The following ABCC1 variants were observed in gnomAD, a reference collection of about 807,000 sequenced individuals.
ABCC1 encodes multidrug resistance-associated protein 1.
Under a neutral mutation model 172.9 loss-of-function variants are expected in ABCC1, and 83 were observed. That is an observed-to-expected ratio of 0.48 (90% confidence interval 0.40 to 0.58). ABCC1 has a LOEUF of 0.58. Ranked by LOEUF, ABCC1 falls within the 20% of genes least tolerant of loss-of-function variation. The probability of loss-of-function intolerance (pLI) is 0.00; values close to 1 mark genes in which losing one functional copy is unlikely to be tolerated. For synonymous variants in ABCC1, 937 were observed against 825.2 expected (o/e 1.14, Z -2.32); for missense variants, 1,817 against 2,002.7 (o/e 0.91, Z 1.77).
chr16:16,116,181 G>A (rs1242110614), intron 23 of ABCC1, among the ~76,000 whole-genome samples: 3 of 152,186 alleles, frequency 2.0e-5, no homozygotes, highest in Non-Finnish European at 4.4e-5. Context: ...TGGGATTACA[G>A]GCGTGAGCCA....
At chr16:16,088,361 C>T (rs2152011682) in intron 18 of ABCC1, among the ~76,000 whole-genome samples, 1 of 152,328 alleles carries the variant, frequency 6.6e-6, no homozygotes, top group South Asian at 2.1e-4. Flanking sequence ...CGGAGAATGT[C>T]TTGAACCCGG....
At chr16:15,999,789 C>T (rs1456951600) in intron 1 of ABCC1, among the ~76,000 whole-genome samples, 3 of 29,550 alleles carry the variant, frequency 1.0e-4, no homozygotes, top group African/African-American at 2.7e-4. Context: ...CTCTCTCTCT[C>T]TCTCTCTCTC....
At position 16,141,550 on chromosome 16, in the gene ABCC1, C is replaced by T; in HGVS notation, c.*269C>T. Reference sequence around the variant, plus strand: ...GTGCCCTGAGACAGACACACAGCCTCACGCCCCCAGGAATGCAAGTGGTTT... The same window carrying T: ...GTGCCCTGAGACAGACACACAGCCTTACGCCCCCAGGAATGCAAGTGGTTT... On this transcript the variant is annotated 3_prime_UTR_variant, in exon 31 of 31. Coordinates refer to ENST00000399410, the MANE Select transcript of ABCC1 (RefSeq NM_004996.4). The T allele has an allele frequency of 6.9e-6, 3 of 437,392 alleles. No individual in the cohort carries two copies. The highest frequency in any genetic ancestry group is 1.2e-5 in the Non-Finnish European group (3 of 244,196). The allele number at this position is 437,392 out of a possible 1,614,324, so 27.1% of individuals were successfully genotyped here.
At chr16:16,068,077 C>A in intron 12 of ABCC1, 79 bp from the exon 13 acceptor site, 1 of 1,577,488 alleles carries the variant, frequency 6.3e-7, no homozygotes, top group Admixed American at 1.7e-5. Flanking sequence ...CCAAGCGCGT[C>A]TCCAGGGCCT....
At chr16:15,970,524 A>G (rs948440446) in intron 1 of ABCC1, among the ~76,000 whole-genome samples, 3 of 152,240 alleles carry the variant, frequency 2.0e-5, no homozygotes, top group Admixed American at 6.5e-5. Flanking sequence ...AGCAGAAGGT[A>G]AGAATGTTCT....
intron 3 of ABCC1, among the ~76,000 whole-genome samples, chr16:16,013,611 A>G (rs2047881271): frequency 6.6e-6 from 1 of 151,764 alleles, no homozygotes; most frequent in South Asian, 2.1e-4. Flanking sequence ...AGACACAACC[A>G]TATAGTCTAG....
rs189587224 is a variant in ABCC1, at chr16:16,065,507, A to C, written c.1678-2649A>C. ...GGGTGCAGTGGTGCAATCTTGGCTC[A>C]CTGCAACCTCCACCTCCCGGGTTAA... On this transcript the variant is annotated intron_variant, in intron 12 of 30. Transcript: ENST00000399410. Among the ~76,000 whole-genome samples the C allele has an allele frequency of 3.9e-5, 6 of 152,238 alleles. No individual in the cohort carries two copies. The East Asian group carries it at 1.2e-3, about 29-fold the overall frequency.
intron 23 of ABCC1, among the ~76,000 whole-genome samples, chr16:16,120,817 G>T (rs1388142050): frequency 6.6e-6 from 1 of 152,078 alleles, no homozygotes; most frequent in Non-Finnish European, 1.5e-5. Flanking sequence ...GGGGGGTGAC[G>T]AGATTGACCC....
At chr16:16,112,956 C>T (rs1384038310) in intron 22 of ABCC1, among the ~76,000 whole-genome samples, 2 of 152,188 alleles carry the variant, frequency 1.3e-5, no homozygotes, top group African/African-American at 4.8e-5. Context: ...GCATTGGCTC[C>T]AGAGCCTGTT....
chr16:16,046,147 C>T (rs1597167434), intron 9 of ABCC1, 134 bp downstream of exon 9: 1 of 992,770 alleles, frequency 1.0e-6, no homozygotes, highest in East Asian at 2.6e-5. Flanking sequence ...CTTCCGTGAC[C>T]TTAGGTGGCA....
At chr16:16,085,566 G>A (rs1209605521) in intron 17 of ABCC1, among the ~76,000 whole-genome samples, 1 of 152,236 alleles carries the variant, frequency 6.6e-6, no homozygotes, top group African/African-American at 2.4e-5. Context: ...GATTGTCTGA[G>A]GTCAGGAGTT....
intron 1 of ABCC1, among the ~76,000 whole-genome samples, chr16:15,952,212 G>A (rs984884690): frequency 7.2e-5 from 11 of 152,208 alleles, no homozygotes; most frequent in Non-Finnish European, 1.3e-4. Context: ...CCTGCACGGA[G>A]ATAAACAATG....
intron 1 of ABCC1, among the ~76,000 whole-genome samples, chr16:15,968,638 A>C (rs571755799): frequency 6.6e-6 from 1 of 152,306 alleles, no homozygotes; most frequent in Non-Finnish European, 1.5e-5. Context: ...CAGCCTCCCA[A>C]AGTGCTGGGA....
intron 6 of ABCC1, among the ~76,000 whole-genome samples, chr16:16,034,735 C>T (rs1025902443): frequency 2.0e-5 from 3 of 151,724 alleles, no homozygotes; most frequent in Non-Finnish European, 4.4e-5. Context: ...TTACAGGGAC[C>T]TGCCACCACA....
chr16:16,079,042 T>C (rs2050700186), intron 15 of ABCC1, among the ~76,000 whole-genome samples: 1 of 152,108 alleles, frequency 6.6e-6, no homozygotes, highest in African/African-American at 2.4e-5. Context: ...CAGTAAAGTT[T>C]CTGCCTCTCC....
chr16:16,096,236 A>C (rs8058976), intron 19 of ABCC1, among the ~76,000 whole-genome samples: 41,854 of 147,574 alleles, frequency 0.28, 5,887 homozygotes, highest in Middle Eastern at 0.37. Flanking sequence ...CAAAAAAAAA[A>C]CAAAAAAACA....
intron 1 of ABCC1, among the ~76,000 whole-genome samples, chr16:15,992,601 A>G (rs763733312): frequency 2.2e-4 from 34 of 152,040 alleles, no homozygotes; most frequent in Non-Finnish European, 4.7e-4. Flanking sequence ...GGGTTTTACC[A>G]TGTTGGCCAG....
chr16:16,103,138 C>G (rs1262700562), intron 20 of ABCC1, among the ~76,000 whole-genome samples: 2 of 151,980 alleles, frequency 1.3e-5, no homozygotes, highest in Non-Finnish European at 2.9e-5. Flanking sequence ...TCGCTTGAGG[C>G]CAGGAGTTTG....
chr16:16,109,018 G>T (rs183285879), intron 21 of ABCC1, among the ~76,000 whole-genome samples: 75 of 151,546 alleles, frequency 4.9e-4, no homozygotes, highest in Admixed American at 4.9e-3. Flanking sequence ...GCCAAGTGGT[G>T]AAATAAACAC....
Sources: allele counts gnomAD v4.1 joint callset (sites outside exome capture counted in the v4.1 genomes callset), GRCh38; gene constraint gnomAD v4.1.1; transcripts MANE v1.5; gene names NCBI Gene and HGNC (gene_info 2026-07-23, HGNC 2026-07-21).